The following BEND7 variants were observed in gnomAD, a reference collection of about 807,000 sequenced individuals.
BEND7 encodes the protein BEN domain containing 7.
In BEND7, 28 loss-of-function variants were observed where a neutral mutation model predicts 50.9. The ratio of observed to expected loss-of-function variants is 0.55; its 90% CI spans 0.41 to 0.75. The LOEUF (loss-of-function observed/expected upper bound fraction) is 0.75, where lower values mean the gene tolerates loss of function less well. Ranked by LOEUF, BEND7 falls within the 30% of genes least tolerant of loss-of-function variation. BEND7 has a pLI of 0.00. For missense variants in BEND7, 477 were observed against 491.3 expected, an observed-to-expected ratio of 0.97 and a Z score of 0.28; for synonymous variants, 170 against 183.9, an observed-to-expected ratio of 0.92 and a Z score of 0.61.
chr10:13,463,646 AT>A (rs776495462), intron 6 of BEND7, among the ~76,000 whole-genome samples: 67 of 152,364 alleles, frequency 4.4e-4, no homozygotes, highest in Non-Finnish European at 9.1e-4. Flanking sequence ...GGAAAAAAAA[AT>A]AAAAGGATAT....
intron 4 of BEND7, among the ~76,000 whole-genome samples, chr10:13,496,352 C>T (rs1460101969): frequency 4.6e-5 from 7 of 152,170 alleles, no homozygotes; most frequent in East Asian, 1.9e-4. Flanking sequence ...TCTGAGCTTC[C>T]GCATCCTGAA....
At chr10:13,455,901 T>TA (rs1838855947) in intron 6 of BEND7, among the ~76,000 whole-genome samples, 1 of 152,092 alleles carries the variant, frequency 6.6e-6, no homozygotes, top group Admixed American at 6.5e-5. Context: ...AGACAACTAA[T>TA]ACGGCTGCCA....
At chr10:13,520,956 A>C (rs898191111) in intron 2 of BEND7, among the ~76,000 whole-genome samples, 10 of 152,164 alleles carry the variant, frequency 6.6e-5, no homozygotes, top group Non-Finnish European at 1.5e-4. Context: ...GGCTCTCCAA[A>C]CTTTGACTTT....
intron 7 of BEND7, among the ~76,000 whole-genome samples, chr10:13,447,700 C>T (rs7905626): frequency 0.26 from 39,916 of 151,774 alleles, 5,483 homozygotes; most frequent in African/African-American, 0.36. Context: ...CCCGCCACCA[C>T]GCCTGGCTAA....
intron 6 of BEND7, among the ~76,000 whole-genome samples, chr10:13,465,487 G>C (rs116712097): frequency 1.6e-3 from 250 of 152,152 alleles, no homozygotes; most frequent in African/African-American, 5.8e-3. Flanking sequence ...TCTCATCTTC[G>C]TGCTGACTGC....
At chr10:13,489,380 C>T (rs941994147) in intron 5 of BEND7, among the ~76,000 whole-genome samples, 1 of 152,126 alleles carries the variant, frequency 6.6e-6, no homozygotes, top group African/African-American at 2.4e-5. Context: ...GTGTTCGTCA[C>T]ACACAGGCAT....
At chr10:13,522,326 C>G (rs1336931816) in intron 2 of BEND7, among the ~76,000 whole-genome samples, 1 of 152,196 alleles carries the variant, frequency 6.6e-6, no homozygotes, top group Non-Finnish European at 1.5e-5. Context: ...CAGCTAAGGC[C>G]TCCTCCATGA....
chr10:13,512,553 T>C (rs1339084519), intron 2 of BEND7, among the ~76,000 whole-genome samples: 1 of 152,194 alleles, frequency 6.6e-6, no homozygotes, highest in Non-Finnish European at 1.5e-5. Flanking sequence ...CAATGTAAGT[T>C]GAAATGCTGA....
At chr10:13,477,236 A>C (rs886781816) in intron 6 of BEND7, among the ~76,000 whole-genome samples, 3 of 152,188 alleles carry the variant, frequency 2.0e-5, no homozygotes, top group African/African-American at 7.2e-5. Flanking sequence ...AGATTTTGTA[A>C]AATTAGCCAG....
chr10:13,468,303 C>T (rs1258647799), intron 6 of BEND7, among the ~76,000 whole-genome samples: 1 of 152,078 alleles, frequency 6.6e-6, no homozygotes, highest in Non-Finnish European at 1.5e-5. Flanking sequence ...TGGGGTAAAC[C>T]AGGAAGAACA....
intron 2 of BEND7, chr10:13,500,906 G>A: frequency 2.2e-6 from 2 of 902,658 alleles, no homozygotes; most frequent in Non-Finnish European, 2.7e-6. Flanking sequence ...CTCCCCTGCA[G>A]CGTAACTGTG....
At chr10:13,448,034 T>A (rs532573817) in intron 7 of BEND7, among the ~76,000 whole-genome samples, 1 of 152,264 alleles carries the variant, frequency 6.6e-6, no homozygotes, top group African/African-American at 2.4e-5. Flanking sequence ...CTGATTCAGA[T>A]CCTAGAACTG....
At chr10:13,506,529 G>A (rs944540907) in intron 2 of BEND7, among the ~76,000 whole-genome samples, 1 of 152,170 alleles carries the variant, frequency 6.6e-6, no homozygotes, top group Non-Finnish European at 1.5e-5. Flanking sequence ...GCAGGGTGAA[G>A]GCAGAAGAAT....
rs1199267902 is a variant in BEND7 at position 13,441,721 on chromosome 10, A to T, written c.*22T>A. ...AAACCCATGGTGCAAAAAACACAAG[A>T]GCTGTGGTTTGCAGTCCTTCATCAG... On this transcript the variant is annotated 3_prime_UTR_variant, in exon 9 of 9. Coordinates refer to ENST00000466271, the MANE Select transcript of BEND7 (RefSeq NM_001369863.1). 1 of 1,613,854 alleles carries T rather than the reference A, an allele frequency of 6.2e-7. No homozygotes were observed. Among genetic ancestry groups the T allele is most frequent in the African/African-American group, 1.3e-5 (1 of 74,928 alleles).
At chr10:13,527,512 T>C (rs549070928) in intron 1 of BEND7, among the ~76,000 whole-genome samples, 2 of 152,348 alleles carry the variant, frequency 1.3e-5, no homozygotes, top group East Asian at 3.9e-4. Flanking sequence ...TCTACCCTGA[T>C]GCCAATGCTA....
At chr10:13,447,595 G>A (rs1318639847) in intron 7 of BEND7, among the ~76,000 whole-genome samples, 1 of 133,096 alleles carries the variant, frequency 7.5e-6, no homozygotes, top group Non-Finnish European at 1.5e-5. Flanking sequence ...CCAGGCTGGA[G>A]TGCAGTGGCG....
chr10:13,488,646 C>T (rs2076421138), intron 5 of BEND7, among the ~76,000 whole-genome samples: 1 of 152,152 alleles, frequency 6.6e-6, no homozygotes. Context: ...CGCCACTGCG[C>T]CTAGCTATTT....
chr10:13,497,600 T>C (rs2077116383), intron 3 of BEND7, among the ~76,000 whole-genome samples: 1 of 152,218 alleles, frequency 6.6e-6, no homozygotes, highest in African/African-American at 2.4e-5. Flanking sequence ...TTTTGCACTG[T>C]TTAAATTTAA....
chr10:13,529,263 A>T (rs2132877652), upstream of BEND7, among the ~76,000 whole-genome samples: 1 of 150,164 alleles, frequency 6.7e-6, no homozygotes, highest in South Asian at 2.1e-4. Context: ...CTCCGCTCGC[A>T]GACCCCGCTC....
Sources: gnomAD v4.1 joint callset for allele counts (sites outside exome capture counted in the v4.1 genomes callset) on GRCh38, gnomAD v4.1.1 for gene constraint, MANE v1.5 for transcripts, NCBI Gene and HGNC (gene_info 2026-07-23, HGNC 2026-07-21) for gene names.